The following MGAT4C variants were observed in gnomAD, a reference collection of about 807,000 sequenced individuals.
The protein encoded by MGAT4C is alpha-1,3-mannosyl-glycoprotein 4-beta-N-acetylglucosaminyltransferase C.
MGAT4C carries 19 observed loss-of-function variants against 40.1 expected under a neutral mutation model. That is an observed-to-expected ratio of 0.47 (90% CI 0.33 to 0.70). The LOEUF (loss-of-function observed/expected upper bound fraction) is 0.70, where lower values mean the gene tolerates loss of function less well. MGAT4C is among the 30% of genes least tolerant of loss of function. The pLI is 0.02. For synonymous variants in MGAT4C, 181 were observed against 187.1 expected (o/e 0.97, Z 0.27); for missense variants, 491 against 563.2 (o/e 0.87, Z 1.30).
chr12:85,984,562 T>C (rs1885002813), intron 3 of MGAT4C, among the ~76,000 whole-genome samples: 1 of 152,190 alleles, frequency 6.6e-6, no homozygotes, highest in Non-Finnish European at 1.5e-5. Flanking sequence ...CCTTCTTTGA[T>C]ATAAGCTAAA....
chr12:85,987,116 ATTTTTTTTTTTTTTTTTTTTTTTTT>A (rs869139864), intron 3 of MGAT4C, among the ~76,000 whole-genome samples: 1 of 73,832 alleles, frequency 1.4e-5, no homozygotes, highest in South Asian at 6.2e-4. Flanking sequence ...TAAAATAATA[ATTTTTTTTTTTTTTTTTTTTTTTTT>A]TTTTTTTTTT....
chr12:86,832,845 A>G (rs1952959308), intron 1 of MGAT4C, among the ~76,000 whole-genome samples: 1 of 151,878 alleles, frequency 6.6e-6, no homozygotes, highest in Non-Finnish European at 1.5e-5. Flanking sequence ...GTACTCTGGA[A>G]GGTTGCTAGT....
chr12:86,218,648 C>G (rs1158679569), intron 1 of MGAT4C, among the ~76,000 whole-genome samples: 3 of 152,016 alleles, frequency 2.0e-5, no homozygotes, highest in Admixed American at 2.0e-4. Flanking sequence ...TCCCAGAACT[C>G]TAATAAAACA....
chr12:86,045,310 A>G (rs1056255799), intron 2 of MGAT4C, among the ~76,000 whole-genome samples: 26 of 152,162 alleles, frequency 1.7e-4, no homozygotes, highest in Non-Finnish European at 3.4e-4. Context: ...AGCTAATACT[A>G]TTTATATTGG....
intron 1 of MGAT4C, among the ~76,000 whole-genome samples, chr12:86,778,131 A>AAAATGAGG (rs1951775425): frequency 6.6e-6 from 1 of 152,248 alleles, no homozygotes; most frequent in East Asian, 1.9e-4. Flanking sequence ...CTATCATATA[A>AAAATGAGG]AAATGAGGAT....
chr12:86,249,711 T>G (rs1230565029), intron 1 of MGAT4C, among the ~76,000 whole-genome samples: 1 of 152,176 alleles, frequency 6.6e-6, no homozygotes, highest in African/African-American at 2.4e-5. Flanking sequence ...CAACTTGACC[T>G]TAACTGAACA....
chr12:86,659,587 G>A (rs1963931401), intron 2 of MGAT4C, among the ~76,000 whole-genome samples: 2 of 152,018 alleles, frequency 1.3e-5, no homozygotes, highest in Non-Finnish European at 2.9e-5. Context: ...AGGATAGTAA[G>A]AGGAAAACTA....
At chr12:86,554,273 T>C (rs1959505454) in intron 2 of MGAT4C, among the ~76,000 whole-genome samples, 1 of 152,210 alleles carries the variant, frequency 6.6e-6, no homozygotes. Context: ...CTTGACCCAC[T>C]GCTGCATGCT....
intron 1 of MGAT4C, among the ~76,000 whole-genome samples, chr12:86,776,556 G>A (rs1324856208): frequency 6.6e-6 from 1 of 151,996 alleles, no homozygotes; most frequent in Non-Finnish European, 1.5e-5. Context: ...CTTTCTAAGT[G>A]ATCATTTAGA....
intron 2 of MGAT4C, among the ~76,000 whole-genome samples, chr12:86,575,476 C>T (rs546672797): frequency 6.6e-6 from 1 of 152,002 alleles, no homozygotes; most frequent in South Asian, 2.1e-4. Context: ...ATTTGTCATT[C>T]TGTGCCTGGC....
At chr12:86,108,685 TA>T (rs2135628974) in intron 1 of MGAT4C, among the ~76,000 whole-genome samples, 1 of 152,292 alleles carries the variant, frequency 6.6e-6, no homozygotes, top group Admixed American at 6.5e-5. Context: ...AATTGTAGTA[TA>T]TTTAAATGTT....
intron 2 of MGAT4C, among the ~76,000 whole-genome samples, chr12:86,604,448 G>A (rs1302342719): frequency 1.3e-5 from 2 of 151,908 alleles, no homozygotes; most frequent in Non-Finnish European, 2.9e-5. Context: ...ATTTCTGTAT[G>A]CCAGAAGCTA....
At chr12:86,787,404 T>A (rs1951949659) in intron 1 of MGAT4C, among the ~76,000 whole-genome samples, 1 of 152,174 alleles carries the variant, frequency 6.6e-6, no homozygotes, top group Non-Finnish European at 1.5e-5. Flanking sequence ...TCCATATTTT[T>A]TCTATTGTGA....
At chr12:86,509,077 T>G (rs1329407533) in intron 2 of MGAT4C, among the ~76,000 whole-genome samples, 1 of 152,094 alleles carries the variant, frequency 6.6e-6, no homozygotes. Context: ...AGATCCCATT[T>G]GTCAATTTTG....
intron 1 of MGAT4C, among the ~76,000 whole-genome samples, chr12:86,175,337 A>T (rs1887280011): frequency 1.3e-5 from 2 of 152,228 alleles, no homozygotes; most frequent in East Asian, 1.9e-4. Context: ...TCCTTCCTTT[A>T]CCTTATCCTT....
At chr12:86,054,365 A>T (rs1893187352) in intron 1 of MGAT4C, among the ~76,000 whole-genome samples, 1 of 152,020 alleles carries the variant, frequency 6.6e-6, no homozygotes, top group African/African-American at 2.4e-5. Context: ...GAGTTATTAT[A>T]AAAAAGCTGA....
chr12:86,484,983 T>G (rs536361862), intron 2 of MGAT4C, among the ~76,000 whole-genome samples: 1 of 152,248 alleles, frequency 6.6e-6, no homozygotes, highest in African/African-American at 2.4e-5. Context: ...CAGTTCAAAT[T>G]ACAACATCAA....
chr12:86,237,143 A>C (rs1254558007), intron 1 of MGAT4C, among the ~76,000 whole-genome samples: 2 of 151,408 alleles, frequency 1.3e-5, no homozygotes, highest in Non-Finnish European at 3.0e-5. Context: ...ACACACACAC[A>C]CCACACATAC....
chr12:86,705,867 C>T (rs1224949147), intron 2 of MGAT4C, among the ~76,000 whole-genome samples: 1 of 152,074 alleles, frequency 6.6e-6, no homozygotes, highest in Non-Finnish European at 1.5e-5. Flanking sequence ...CTATTATATC[C>T]TTATCTGAGA....
Sources: gnomAD v4.1 joint callset for allele counts (sites outside exome capture counted in the v4.1 genomes callset) on GRCh38, gnomAD v4.1.1 for gene constraint, MANE v1.5 for transcripts, NCBI Gene and HGNC (gene_info 2026-07-23, HGNC 2026-07-21) for gene names.